KIRREL3: variants seen among roughly 807,000 people sequenced by gnomAD.
The protein encoded by KIRREL3 is kin of IRRE-like protein 3.
KIRREL3 carries 36 observed loss-of-function variants against 89.7 expected under a neutral mutation model. The ratio of observed to expected loss-of-function variants is 0.40; its 90% confidence interval spans 0.31 to 0.53. The LOEUF is 0.53. Among genes scored for constraint, KIRREL3 ranks in the 20% least tolerant of loss-of-function variants. The pLI is 0.49. For synonymous variants in KIRREL3, 445 were observed against 441.4 expected, an observed-to-expected ratio of 1.01 and a Z score of -0.10; for missense variants, 864 against 1,056.6, an observed-to-expected ratio of 0.82 and a Z score of 2.53.
chr11:126,975,938 C>CCCTCCCTTCCTT (rs767405296), intron 1 of KIRREL3, among the ~76,000 whole-genome samples: 21 of 104,356 alleles, frequency 2.0e-4, no homozygotes, highest in East Asian at 6.8e-4. Flanking sequence ...CTCCCTCCCT[C>CCCTCCCTTCCTT]CCTTCCTTCC....
Position 126,990,831 on chromosome 11 carries a change from A to C in KIRREL3, c.55+9624T>G, listed in dbSNP as rs1950015202. The stretch of plus-strand genomic sequence containing the variant: ...AGGGAACGCAACCACTGAGGGATTA[A>C]GTGGTGGTTTTGCTTTCTTTGCCAC... On this transcript the variant is annotated intron_variant, in intron 1 of 16. Coordinates refer to ENST00000525144, the MANE Select transcript of KIRREL3 (RefSeq NM_032531.4). This position sits in a 1 kb window ranked among gnomAD's most constrained non-coding sequence, Gnocchi z 6.3. Among the ~76,000 whole-genome samples, 1 of 152,188 alleles carries C rather than the reference A, an allele frequency of 6.6e-6. No individual in the cohort carries two copies. The highest frequency in any genetic ancestry group is 2.1e-4 in the South Asian group (1 of 4,828).
intron 1 of KIRREL3, among the ~76,000 whole-genome samples, chr11:126,799,715 AC>A (rs1950971408): frequency 6.6e-6 from 1 of 152,024 alleles, no homozygotes; most frequent in Admixed American, 6.6e-5. Flanking sequence ...AGATGGCAGA[AC>A]CTTTTCTTCC....
At chr11:126,470,451 T>C (rs1466502027) in intron 5 of KIRREL3, among the ~76,000 whole-genome samples, 1 of 152,250 alleles carries the variant, frequency 6.6e-6, no homozygotes, top group Non-Finnish European at 1.5e-5. Flanking sequence ...CCCTGGGTTC[T>C]GGCACCAGGT....
intron 1 of KIRREL3, among the ~76,000 whole-genome samples, chr11:126,841,772 T>G (rs1435698104): frequency 2.0e-5 from 3 of 152,198 alleles, no homozygotes; most frequent in Non-Finnish European, 2.9e-5. Flanking sequence ...GGCATCCGCT[T>G]TCATTGTTGT....
chr11:126,950,745 A>C (rs778188803), intron 1 of KIRREL3, among the ~76,000 whole-genome samples: 12 of 152,246 alleles, frequency 7.9e-5, no homozygotes, highest in African/African-American at 1.2e-4. Flanking sequence ...CTGCACTCCT[A>C]GCCTGGGGAT....
rs1943650837 is a variant in KIRREL3 at position 126,623,391 on chromosome 11, C to T, written c.56-60479G>A. On this transcript the variant is annotated intron_variant, in intron 1 of 16. Coordinates refer to ENST00000525144, the MANE Select transcript of KIRREL3 (RefSeq NM_032531.4). The surrounding 1 kb of genome is among the most constrained non-coding windows in gnomAD (Gnocchi z 4.1). ...AATTCTCCCACATCTCTGGGCACCC[C>T]TCTAATGTGCTCTTCTCAGCTTGTT... 6.6e-6 allele frequency among the ~76,000 whole-genome samples: 1 copy of T among 152,186 alleles called. No individual in the cohort carries two copies. Among genetic ancestry groups the T allele is most frequent in the South Asian group, 2.1e-4 (1 of 4,832 alleles).
In KIRREL3 at chr11:126,896,747, G is replaced by A. The variant is rs1003392235; in HGVS notation, c.55+103708C>T. Among the ~76,000 whole-genome samples the A allele has an allele frequency of 2.0e-5, 3 of 152,108 alleles. No homozygotes were observed. Among genetic ancestry groups the A allele is most frequent in the African/African-American group, 7.2e-5 (3 of 41,420 alleles). On this transcript the variant is annotated intron_variant, in intron 1 of 16. Coordinates refer to ENST00000525144, the MANE Select transcript of KIRREL3 (RefSeq NM_032531.4). This position sits in a 1 kb window ranked among gnomAD's most constrained non-coding sequence, Gnocchi z 4.1. The stretch of plus-strand genomic sequence containing the variant: ...CACAGCAAGCTCTCTGGCAGCCTCT[G>A]ACCTGTGGAGATTCATTCTCACCAC...
chr11:126,833,317 G>A (rs1943671287), intron 1 of KIRREL3, among the ~76,000 whole-genome samples: 1 of 152,206 alleles, frequency 6.6e-6, no homozygotes, highest in Non-Finnish European at 1.5e-5. Flanking sequence ...GCACACACAA[G>A]TGCAAGTTAA....
At chr11:126,588,658 T>C (rs1164961693) in intron 1 of KIRREL3, among the ~76,000 whole-genome samples, 1 of 152,248 alleles carries the variant, frequency 6.6e-6, no homozygotes. Context: ...TAACATTCTA[T>C]ATAATTTACC....
intron 12 of KIRREL3, 96 bp downstream of exon 12, chr11:126,436,715 G>T: frequency 7.5e-7 from 1 of 1,333,784 alleles, no homozygotes; most frequent in Non-Finnish European, 1.1e-6. Context: ...CTTGGGCCCT[G>T]GCCCACCTTG....
At chr11:126,543,382 G>T (rs1297584119) in intron 2 of KIRREL3, among the ~76,000 whole-genome samples, 1 of 152,066 alleles carries the variant, frequency 6.6e-6, no homozygotes, top group Non-Finnish European at 1.5e-5. Context: ...TGTAGCCCTG[G>T]CTCATATCCA....
At chr11:126,482,989 T>C (rs778358763) in intron 4 of KIRREL3, among the ~76,000 whole-genome samples, 13 of 152,360 alleles carry the variant, frequency 8.5e-5, no homozygotes, top group Admixed American at 2.0e-4. Context: ...TCTTAGAAGT[T>C]GAGAAAACAG....
chr11:127,000,443 C>T lies in KIRREL3; in HGVS notation c.55+12G>A. On this transcript the variant is annotated intron_variant, in intron 1 of 16. Transcript: ENST00000525144. This position sits in a 1 kb window ranked among gnomAD's most constrained non-coding sequence, Gnocchi z 7.1. ...CGACTTTCTTCCAACTCCAGCAGCG[C>T]AGGGGTCCTACCTTGACTGAAGAGG... 6.3e-7 allele frequency: 1 copy of T among 1,598,222 alleles called. No individual in the cohort carries two copies. Among genetic ancestry groups the T allele is most frequent in the East Asian group, 2.3e-5 (1 of 43,998 alleles).
At chr11:126,907,273 G>A (rs898919863) in intron 1 of KIRREL3, among the ~76,000 whole-genome samples, 2 of 152,318 alleles carry the variant, frequency 1.3e-5, no homozygotes, top group East Asian at 3.9e-4. Flanking sequence ...CCCTGAACAC[G>A]ATGTGGAACC....
chr11:126,425,507 T>C, intron 16 of KIRREL3, 131 bp downstream of exon 16: 1 of 792,970 alleles, frequency 1.3e-6, no homozygotes. Context: ...GACGGGCACC[T>C]GCCACCAAGC....
At chr11:126,672,039 G>GT (rs1945975350) in intron 1 of KIRREL3, among the ~76,000 whole-genome samples, 1 of 152,206 alleles carries the variant, frequency 6.6e-6, no homozygotes, top group South Asian at 2.1e-4. Flanking sequence ...TCTCCAGTAG[G>GT]TGAATGGGTT....
chr11:126,431,536 A>T lies in KIRREL3; in HGVS notation c.1589-10T>A, dbSNP rs765675372. The T allele has an allele frequency of 1.7e-5, 27 of 1,611,902 alleles. No individual in the cohort carries two copies. The Admixed American group carries it at 4.5e-4, about 27-fold the overall frequency. On this transcript the variant is annotated splice_polypyrimidine_tract_variant and intron_variant, in intron 13 of 16. Coordinates refer to ENST00000525144, the MANE Select transcript of KIRREL3 (RefSeq NM_032531.4). The surrounding 1 kb of genome is among the most constrained non-coding windows in gnomAD (Gnocchi z 7.1). The stretch of plus-strand genomic sequence containing the variant: ...GCCATCGGCACAGACTCTGTGGGAG[A>T]GAAGCGGGCACAGCTGATGACGGAT...
At chr11:126,871,539 C>T (rs1377496999) in intron 1 of KIRREL3, among the ~76,000 whole-genome samples, 2 of 152,168 alleles carry the variant, frequency 1.3e-5, no homozygotes, top group African/African-American at 4.8e-5. Flanking sequence ...CTGAATAAAG[C>T]TGAAAGTAGT....
chr11:126,957,291 T>C (rs1948952662), intron 1 of KIRREL3, among the ~76,000 whole-genome samples: 1 of 152,240 alleles, frequency 6.6e-6, no homozygotes, highest in Admixed American at 6.5e-5. Flanking sequence ...TGACTGCAGT[T>C]CAGTCTGTCC....
Sources: allele counts gnomAD v4.1 joint callset (sites outside exome capture counted in the v4.1 genomes callset), GRCh38; gene constraint gnomAD v4.1.1; non-coding constraint Gnocchi (gnomAD v3.1); transcripts MANE v1.5; gene names NCBI Gene and HGNC (gene_info 2026-07-23, HGNC 2026-07-21).